RRM2: variants seen among roughly 807,000 people sequenced by gnomAD.
RRM2 encodes ribonucleoside-diphosphate reductase subunit M2.
In RRM2, 6 loss-of-function variants were observed where a neutral mutation model predicts 45.9. The ratio of observed to expected loss-of-function variants is 0.13; its 90% CI spans 0.07 to 0.26. The LOEUF is 0.26. Among genes scored for constraint, RRM2 ranks in the 10% least tolerant of loss-of-function variants. RRM2 has a pLI of 1.00. For synonymous variants in RRM2, 177 were observed against 173.0 expected (o/e 1.02, Z -0.18); for missense variants, 343 against 489.5 (o/e 0.70, Z 2.82).
chr2:10,127,003 C>T lies in RRM2; in HGVS notation c.664+34C>T. 1 of 1,611,548 alleles carries T rather than the reference C, an allele frequency of 6.2e-7. No individual in the cohort carries two copies. Among genetic ancestry groups the T allele is most frequent in the Non-Finnish European group, 8.5e-7 (1 of 1,178,064 alleles). On this transcript the variant is annotated intron_variant, in intron 6 of 9. Transcript: ENST00000304567. This position sits in a 1 kb window ranked among gnomAD's most constrained non-coding sequence, Gnocchi z 4.1. ...ACCCTTGCCCCTACTTAAACCTGAG[C>T]TTCATTTTCCAAGTAATGTTACTGG...
intron 3 of RRM2, among the ~76,000 whole-genome samples, chr2:10,147,353 G>A (rs1663210680): frequency 6.6e-6 from 1 of 152,080 alleles, no homozygotes; most frequent in South Asian, 2.1e-4. Flanking sequence ...CACAGTTGTA[G>A]CTCACTGCAA....
intron 3 of RRM2, among the ~76,000 whole-genome samples, chr2:10,161,363 G>A (rs1307519899): frequency 6.6e-6 from 1 of 152,134 alleles, no homozygotes; most frequent in Non-Finnish European, 1.5e-5. Flanking sequence ...CTGGCCTGGC[G>A]GTTCTTTATT....
upstream of RRM2, among the ~76,000 whole-genome samples, chr2:10,137,959 G>A (rs1480015317): frequency 6.6e-6 from 1 of 152,142 alleles, no homozygotes; most frequent in Non-Finnish European, 1.5e-5. Context: ...TCCTGTTAGT[G>A]CAGGGGCCGC....
At chr2:10,141,876 A>C in exon 2 of RRM2, 1 of 1,567,054 alleles carries the variant, frequency 6.4e-7, no homozygotes, top group Non-Finnish European at 8.7e-7. Context: ...CGTGAAGTGC[A>C]AAGCAGATGG....
At chr2:10,143,911 C>T (rs1222320512) in intron 3 of RRM2, among the ~76,000 whole-genome samples, 1 of 152,210 alleles carries the variant, frequency 6.6e-6, no homozygotes, top group Non-Finnish European at 1.5e-5. Flanking sequence ...TGTGATCCGC[C>T]CGCCTTGGCC....
At chr2:10,146,341 A>G (rs1663185536) in intron 3 of RRM2, among the ~76,000 whole-genome samples, 1 of 152,214 alleles carries the variant, frequency 6.6e-6, no homozygotes, top group Admixed American at 6.5e-5. Flanking sequence ...GAAAGACACG[A>G]ACTGATTCAA....
rs749562845 is a variant in RRM2, at chr2:10,130,503, T to A, written c.*1117T>A. ...ATTTTACCTGTAGTTCATACTTCAG[T>A]CACCCAGTGTCTTATTCTGGCATTG... On this transcript the variant is annotated 3_prime_UTR_variant, in exon 10 of 10. Coordinates refer to ENST00000304567, the MANE Select transcript of RRM2 (RefSeq NM_001034.4). 6.6e-6 allele frequency: 1 copy of A among 152,216 alleles called. No individual in the cohort carries two copies. The highest frequency in any genetic ancestry group is 1.5e-5 in the Non-Finnish European group (1 of 68,040). 9.4% of individuals were successfully genotyped at this position (152,216 alleles called of 1,614,324 possible).
intron 3 of RRM2, among the ~76,000 whole-genome samples, chr2:10,186,081 T>G (rs1201005672): frequency 6.6e-6 from 1 of 152,336 alleles, no homozygotes; most frequent in African/African-American, 2.4e-5. Context: ...CACTGTAAAC[T>G]TGTATCAGTT....
intron 3 of RRM2, among the ~76,000 whole-genome samples, chr2:10,180,764 TA>T (rs1664028332): frequency 6.6e-6 from 1 of 152,112 alleles, no homozygotes; most frequent in Non-Finnish European, 1.5e-5. Flanking sequence ...TTTATTTATT[TA>T]TTTATTTATT....
chr2:10,186,521 G>A (rs889812897), intron 3 of RRM2, among the ~76,000 whole-genome samples: 11 of 151,452 alleles, frequency 7.3e-5, no homozygotes, highest in East Asian at 1.9e-4. Flanking sequence ...CTGGTGAACC[G>A]TAGTGTGTAC....
At chr2:10,132,363 G>A (rs762640332), downstream of RRM2, among the ~76,000 whole-genome samples, 1 of 152,166 alleles carries the variant, frequency 6.6e-6, no homozygotes, top group African/African-American at 2.4e-5. Context: ...GGTGGGGGCA[G>A]CAGAGAATTC....
Position 10,124,721 on chromosome 2 carries a change from A to T in RRM2, c.440A>T (p.Glu147Val). 1 of 1,611,482 alleles carries T rather than the reference A, an allele frequency of 6.2e-7. No individual in the cohort carries two copies. ...TTTGATGTGTTTTGCCACTAGGTGG[A>T]GCGATTTAGCCAAGAAGTTCAGATT... is the stretch of plus-strand genomic sequence containing the variant. ...SDGIVNENLV[E>V]RFSQEVQITE... Residue 147 changes from glutamate (E) to valine (V), a missense_variant, in exon 5 of 10, where the codon GAG (glutamate) becomes GTG (valine). Glu to Val is a moderately radical substitution (Grantham distance 121, BLOSUM62 -2). Around this residue, in one of 2 missense-constraint regions of RRM2, gnomAD observed 212 missense variants for 368.1 expected, o/e 0.58. Coordinates refer to ENST00000304567, the MANE Select transcript of RRM2 (RefSeq NM_001034.4).
chr2:10,140,717 C>T (rs1663064075), upstream of RRM2, among the ~76,000 whole-genome samples: 1 of 152,150 alleles, frequency 6.6e-6, no homozygotes, highest in Admixed American at 6.5e-5. Flanking sequence ...AAAATGTGTA[C>T]ATATGGATAG....
chr2:10,123,212 A>G (rs1011181890), intron 2 of RRM2, 155 bp downstream of exon 2: 1 of 1,282,414 alleles, frequency 7.8e-7, no homozygotes, highest in Non-Finnish European at 1.0e-6. Context: ...CCCTCGGCCC[A>G]TTTCCCGGTT....
chr2:10,159,191 G>T (rs1201825700), intron 3 of RRM2, among the ~76,000 whole-genome samples: 2 of 152,126 alleles, frequency 1.3e-5, no homozygotes, highest in Non-Finnish European at 2.9e-5. Flanking sequence ...CTCCCTTGTG[G>T]GTGGAGACAC....
intron 3 of RRM2, among the ~76,000 whole-genome samples, chr2:10,159,054 G>T (rs1663497387): frequency 6.6e-6 from 1 of 152,106 alleles, no homozygotes; most frequent in Admixed American, 6.5e-5. Flanking sequence ...CTCTTGTCAA[G>T]AGGTGGAAGT....
In RRM2 at chr2:10,128,923, A is replaced by G. The variant is rs1315946284; in HGVS notation, c.874A>G (p.Ile292Val). ...HKPSEERVRE[I>V]IINAVRIEQE... ...ACCATCGGAGGAGAGAGTAAGAGAA[A>G]TAATTATCAATGCTGTTCGGATAGA... Residue 292 changes from isoleucine to valine, a missense_variant, in exon 8 of 10, where the codon ATA (isoleucine) becomes GTA (valine). Around this residue, in one of 2 missense-constraint regions of RRM2, gnomAD observed 212 missense variants for 368.1 expected, o/e 0.58. Coordinates refer to ENST00000304567, the MANE Select transcript of RRM2 (RefSeq NM_001034.4). The G allele has an allele frequency of 1.2e-6, 2 of 1,614,056 alleles. No homozygotes were observed. The highest frequency in any genetic ancestry group is 2.2e-5 in the East Asian group (1 of 44,892).
At chr2:10,173,408 C>T (rs906092723) in intron 3 of RRM2, among the ~76,000 whole-genome samples, 15 of 152,226 alleles carry the variant, frequency 9.9e-5, no homozygotes, top group Non-Finnish European at 1.9e-4. Flanking sequence ...CCCACCACTG[C>T]GTTGGCCAGT....
intron 3 of RRM2, among the ~76,000 whole-genome samples, chr2:10,188,219 G>T (rs1664211109): frequency 6.6e-6 from 1 of 152,192 alleles, no homozygotes; most frequent in Non-Finnish European, 1.5e-5. Context: ...CCTGCCTGGG[G>T]TCTGGTGCTC....
Sources: gnomAD v4.1 joint callset for allele counts (sites outside exome capture counted in the v4.1 genomes callset) on GRCh38, gnomAD v4.1.1 for gene constraint, gnomAD v4.1.1 regional missense constraint, Gnocchi (gnomAD v3.1) non-coding constraint, MANE v1.5 for transcripts, NCBI Gene and HGNC (gene_info 2026-07-23, HGNC 2026-07-21) for gene names.